MGAT4C: variants seen among roughly 807,000 people sequenced by gnomAD.
MGAT4C encodes alpha-1,3-mannosyl-glycoprotein 4-beta-N-acetylglucosaminyltransferase C.
Under a neutral mutation model 40.1 loss-of-function variants are expected in MGAT4C, and 19 were observed. The observed-to-expected ratio is 0.47, with a 90% CI of 0.33 to 0.70. MGAT4C has a LOEUF of 0.70. Ranked by LOEUF, MGAT4C falls within the 30% of genes least tolerant of loss-of-function variation. The pLI is 0.02. For missense variants in MGAT4C, 491 were observed against 563.2 expected, an observed-to-expected ratio of 0.87 and a Z score of 1.30; for synonymous variants, 181 against 187.1, an observed-to-expected ratio of 0.97 and a Z score of 0.27.
At chr12:86,445,596 C>A (rs1311405120) in intron 2 of MGAT4C, among the ~76,000 whole-genome samples, 1 of 152,114 alleles carries the variant, frequency 6.6e-6, no homozygotes, top group Non-Finnish European at 1.5e-5. Flanking sequence ...CATTCGATTG[C>A]TCGACAGCTC....
chr12:86,714,799 A>AAGGG (rs1950617486), intron 2 of MGAT4C, among the ~76,000 whole-genome samples: 1 of 151,724 alleles, frequency 6.6e-6, no homozygotes, highest in Non-Finnish European at 1.5e-5. Context: ...GGAAGGAAGG[A>AAGGG]AGGAAGGAAG....
chr12:86,156,158 A>G (rs909984515), intron 1 of MGAT4C, among the ~76,000 whole-genome samples: 2 of 152,172 alleles, frequency 1.3e-5, no homozygotes, highest in African/African-American at 2.4e-5. Flanking sequence ...ATATCTTGCT[A>G]TTAATTAATG....
At chr12:86,089,214 A>G (rs770030756) in intron 1 of MGAT4C, among the ~76,000 whole-genome samples, 3 of 152,004 alleles carry the variant, frequency 2.0e-5, no homozygotes, top group Non-Finnish European at 2.9e-5. Flanking sequence ...AAATACATGT[A>G]AACACTTCCT....
At chr12:86,684,879 G>T (rs897710349) in intron 2 of MGAT4C, among the ~76,000 whole-genome samples, 3 of 151,246 alleles carry the variant, frequency 2.0e-5, no homozygotes, top group East Asian at 1.9e-4. Context: ...TTTTTGATGG[G>T]TTTTTTGTTT....
chr12:86,778,379 T>C (rs555126147), intron 1 of MGAT4C, among the ~76,000 whole-genome samples: 1 of 152,276 alleles, frequency 6.6e-6, no homozygotes, highest in South Asian at 2.1e-4. Context: ...GACACACAAG[T>C]ACACACTTCT....
rs57791582 is a variant in MGAT4C, at chr12:86,782,171, A to ATTTTTTTTTTTT, written c.-261-54942_-261-54931dup. On this transcript the variant is annotated intron_variant, in intron 1 of 7. Coordinates refer to the MGAT4C transcript ENST00000548651. ...CCACGCCTGGCTAAATGTTTTTTGTATTTTTTTTTTTTTTTTTTTTTTTTT... is the reference window on the plus strand; with the variant it reads ...CCACGCCTGGCTAAATGTTTTTTGTATTTTTTTTTTTTTTTTTTTTTTTTTTTTTTTTTTTTT... Among the ~76,000 whole-genome samples the ATTTTTTTTTTTT allele has an allele frequency of 7.4e-5, 3 of 40,276 alleles. 1 individual carries two copies. The highest frequency in any genetic ancestry group is 8.8e-5 in the Non-Finnish European group (2 of 22,694). The allele number at this position is 40,276 out of a possible 152,430, so 26.4% of individuals were successfully genotyped here.
intron 4 of MGAT4C, among the ~76,000 whole-genome samples, chr12:86,326,434 T>C (rs1954530469): frequency 6.6e-6 from 1 of 152,044 alleles, no homozygotes; most frequent in African/African-American, 2.4e-5. Flanking sequence ...ACGATTAATT[T>C]ATACAATTTT....
In MGAT4C at chr12:86,319,724, A is replaced by C. The variant is rs73385244; in HGVS notation, c.-57+14341T>G. ...TGAATGTATGAATGCTGGCTTTGTG[A>C]GAAATGAAATGTTTCTTGTCAAGTT... is the stretch of plus-strand genomic sequence containing the variant. On this transcript the variant is annotated intron_variant, in intron 4 of 7. Coordinates refer to the MGAT4C transcript ENST00000548651. Among the ~76,000 whole-genome samples the C allele has an allele frequency of 3.3e-3, 504 of 152,284 alleles. 2 individuals carry two copies. Among genetic ancestry groups the C allele is most frequent in the African/African-American group, 0.012 (490 of 41,562 alleles).
At chr12:86,212,552 T>A (rs1369647426) in intron 1 of MGAT4C, among the ~76,000 whole-genome samples, 1 of 151,872 alleles carries the variant, frequency 6.6e-6, no homozygotes, top group Non-Finnish European at 1.5e-5. Context: ...GTCAGTTATA[T>A]GAAAGCTTTA....
rs188896850 is a variant in MGAT4C at position 86,653,629 on chromosome 12, A to G, written c.-229+73580T>C. Reference sequence around the variant, plus strand: ...GAGAAATTAGAATCTCTGCCAATGAACAATCCTCTCACTTATTTTGTATGT... The same window carrying G: ...GAGAAATTAGAATCTCTGCCAATGAGCAATCCTCTCACTTATTTTGTATGT... On this transcript the variant is annotated intron_variant, in intron 2 of 7. Transcript: ENST00000548651. 1.3e-3 allele frequency among the ~76,000 whole-genome samples: 195 copies of G among 152,102 alleles called. 1 individual carries two copies. The highest frequency in any genetic ancestry group is 1.7e-3 in the Non-Finnish European group (116 of 67,932).
chr12:86,828,490 G>A (rs375824251), intron 1 of MGAT4C, among the ~76,000 whole-genome samples: 22 of 151,290 alleles, frequency 1.5e-4, no homozygotes, highest in Middle Eastern at 3.4e-3. Flanking sequence ...TATAAATACC[G>A]ACAGAGTAAA....
intron 2 of MGAT4C, among the ~76,000 whole-genome samples, chr12:86,706,897 C>T (rs1950468834): frequency 6.6e-6 from 1 of 152,104 alleles, no homozygotes; most frequent in South Asian, 2.1e-4. Flanking sequence ...GCAGGTCTTT[C>T]CCATGCTGTT....
At chr12:86,529,076 C>T (rs1958933911) in intron 2 of MGAT4C, among the ~76,000 whole-genome samples, 1 of 151,998 alleles carries the variant, frequency 6.6e-6, no homozygotes, top group East Asian at 1.9e-4. Context: ...AAAACAACAA[C>T]AACAAAAATG....
Position 86,766,094 on chromosome 12 carries a change from C to G in MGAT4C, c.-261-38853G>C, listed in dbSNP as rs528884499. Among the ~76,000 whole-genome samples, 518 of 152,154 alleles carry G rather than the reference C, an allele frequency of 3.4e-3. 7 individuals carry two copies. The highest frequency in any genetic ancestry group is 0.012 in the African/African-American group (501 of 41,478). On this transcript the variant is annotated intron_variant, in intron 1 of 7. Transcript: ENST00000548651. Reference sequence around the variant, plus strand: ...TGGCAAATTGGATAAAGAGTCAAAACCCATCAGTGTGCTGTATTCAGGAAA... The same window carrying G: ...TGGCAAATTGGATAAAGAGTCAAAAGCCATCAGTGTGCTGTATTCAGGAAA...
intron 2 of MGAT4C, among the ~76,000 whole-genome samples, chr12:86,724,885 G>T (rs566103136): frequency 1.1e-3 from 174 of 152,102 alleles, no homozygotes; most frequent in Non-Finnish European, 2.1e-3. Flanking sequence ...TGCTGAAAGC[G>T]GATGTTAAGT....
chr12:86,274,306 G>A (rs894873381), intron 4 of MGAT4C, among the ~76,000 whole-genome samples: 1 of 152,110 alleles, frequency 6.6e-6, no homozygotes, highest in Non-Finnish European at 1.5e-5. Context: ...AGATTTGGGT[G>A]GGGACATATA....
chr12:86,422,488 C>T (rs1214666237), intron 3 of MGAT4C, among the ~76,000 whole-genome samples: 1 of 152,170 alleles, frequency 6.6e-6, no homozygotes, highest in Non-Finnish European at 1.5e-5. Context: ...AAGCTTGCTA[C>T]AGCTTATAAA....
chr12:86,419,799 G>T (rs1370267496), intron 3 of MGAT4C, among the ~76,000 whole-genome samples: 1 of 152,102 alleles, frequency 6.6e-6, no homozygotes, highest in Non-Finnish European at 1.5e-5. Context: ...TGTGTTTCAT[G>T]GTACTGGAGA....
At chr12:86,094,256 A>G (rs1873462784) in intron 1 of MGAT4C, among the ~76,000 whole-genome samples, 1 of 152,078 alleles carries the variant, frequency 6.6e-6, no homozygotes, top group Non-Finnish European at 1.5e-5. Flanking sequence ...GATATTGGCC[A>G]AAAAAAGGAA....
Sources: allele counts gnomAD v4.1 joint callset (sites outside exome capture counted in the v4.1 genomes callset), GRCh38; gene constraint gnomAD v4.1.1; transcripts MANE v1.5; gene names NCBI Gene and HGNC (gene_info 2026-07-23, HGNC 2026-07-21).